HECA: variants seen among roughly 807,000 people sequenced by gnomAD.
HECA encodes headcase protein homolog.
A neutral mutation model predicts 37.6 loss-of-function variants in HECA; 13 were observed. The observed-to-expected ratio is 0.35, with a 90% CI of 0.23 to 0.55. HECA has a LOEUF of 0.55. Among genes scored for constraint, HECA ranks in the 20% least tolerant of loss-of-function variants. The pLI, the probability that HECA is intolerant of heterozygous loss-of-function variation, is 0.90. For synonymous variants in HECA, 307 were observed against 291.5 expected (o/e 1.05, Z -0.54); for missense variants, 527 against 701.9 (o/e 0.75, Z 2.82).
At chr6:139,142,193 T>C (rs1265676184) in intron 1 of HECA, among the ~76,000 whole-genome samples, 1 of 152,050 alleles carries the variant, frequency 6.6e-6, no homozygotes, top group Non-Finnish European at 1.5e-5. Flanking sequence ...CCCAAAGTGC[T>C]GGGATTACAG....
chr6:139,173,983 C>T (rs1477099276), intron 2 of HECA, among the ~76,000 whole-genome samples: 1 of 152,098 alleles, frequency 6.6e-6, no homozygotes, highest in Non-Finnish European at 1.5e-5. Flanking sequence ...GAGCTTGTGA[C>T]AAGATCAGTG....
chr6:139,150,318 G>C (rs1398721815), intron 1 of HECA, among the ~76,000 whole-genome samples: 2 of 151,852 alleles, frequency 1.3e-5, no homozygotes, highest in African/African-American at 4.8e-5. Context: ...TATTTCTTGG[G>C]GTTAGGCTGA....
At position 139,179,028 on chromosome 6, in the gene HECA, G is replaced by A. The variant is rs1474639755; in HGVS notation, c.*1923G>A. The A allele has an allele frequency of 2.6e-5, 4 of 152,158 alleles. No individual in the cohort carries two copies. Among genetic ancestry groups the A allele is most frequent in the African/African-American group, 9.7e-5 (4 of 41,434 alleles). 9.4% of individuals were successfully genotyped at this position (152,158 alleles called of 1,614,324 possible). On this transcript the variant is annotated 3_prime_UTR_variant, in exon 4 of 4. Transcript: ENST00000367658. ...TTTGATCATCTGAAAAAACATTTCA[G>A]TGGGAAGAAATGCATAAAATGCCTA...
At chr6:139,154,921 A>G (rs1284358280) in intron 1 of HECA, among the ~76,000 whole-genome samples, 1 of 125,942 alleles carries the variant, frequency 7.9e-6, no homozygotes. Flanking sequence ...TAATATTGGA[A>G]TACAGTACTA....
intron 1 of HECA, among the ~76,000 whole-genome samples, chr6:139,150,629 TAAC>T (rs1404135683): frequency 6.6e-6 from 1 of 151,836 alleles, no homozygotes; most frequent in Non-Finnish European, 1.5e-5. Context: ...ATAGGTAATA[TAAC>T]AAATTCTATA....
rs928901375 is a variant in HECA, at chr6:139,180,324, G to C, written c.*3219G>C. 6.6e-6 allele frequency: 1 copy of C among 152,588 alleles called. No individual in the cohort carries two copies. The highest frequency in any genetic ancestry group is 2.4e-5 in the African/African-American group (1 of 41,452). 9.5% of individuals were successfully genotyped at this position (152,588 alleles called of 1,614,324 possible). A position where few individuals can be genotyped will look rare whatever the true frequency, so the allele number is the denominator to read the frequency against. On this transcript the variant is annotated 3_prime_UTR_variant, in exon 4 of 4. Coordinates refer to ENST00000367658, the MANE Select transcript of HECA (RefSeq NM_016217.3). ...CTTATTAGAGCACCAGAACTAATTT[G>C]CTAAGTCTTTTGTTTAGTCCTGCAA...
At chr6:139,142,835 C>T (rs1774531926) in intron 1 of HECA, among the ~76,000 whole-genome samples, 1 of 152,184 alleles carries the variant, frequency 6.6e-6, no homozygotes, top group South Asian at 2.1e-4. Context: ...GTAATCTCAG[C>T]TACTCAGGAG....
intron 1 of HECA, among the ~76,000 whole-genome samples, chr6:139,148,226 T>C (rs1774608639): frequency 6.6e-6 from 1 of 152,220 alleles, no homozygotes. Flanking sequence ...TTCAGCCTTA[T>C]TTATGGTTGT....
At chr6:139,169,067 C>T (rs150305329) in intron 2 of HECA, among the ~76,000 whole-genome samples, 1,605 of 152,248 alleles carry the variant, frequency 0.011, 28 homozygotes, top group African/African-American at 0.037. Context: ...CTCTATTTGT[C>T]GTGCTTTCTG....
intron 1 of HECA, among the ~76,000 whole-genome samples, chr6:139,137,798 A>G (rs1774468294): frequency 6.6e-6 from 1 of 151,874 alleles, no homozygotes; most frequent in Non-Finnish European, 1.5e-5. Flanking sequence ...GGCCCCTATT[A>G]TTATTCTCTG....
intron 1 of HECA, chr6:139,153,087 A>G (rs892614254): frequency 6.6e-6 from 1 of 152,214 alleles, no homozygotes; most frequent in South Asian, 2.1e-4. Context: ...GCCTAATTAC[A>G]GGAGCTCCTT....
chr6:139,152,705 T>C (rs944191454), intron 1 of HECA, among the ~76,000 whole-genome samples: 1 of 152,222 alleles, frequency 6.6e-6, no homozygotes, highest in African/African-American at 2.4e-5. Flanking sequence ...TTTTTGTAAG[T>C]ACTAGCCTTC....
chr6:139,136,358 TTAGG>T (rs1158550748), intron 1 of HECA, among the ~76,000 whole-genome samples: 5 of 152,072 alleles, frequency 3.3e-5, no homozygotes, highest in Admixed American at 1.3e-4. Context: ...CCTCATAATC[TTAGG>T]TAGTGCCTGA....
chr6:139,146,222 C>T (rs1383467921), intron 1 of HECA, among the ~76,000 whole-genome samples: 1 of 152,142 alleles, frequency 6.6e-6, no homozygotes, highest in Non-Finnish European at 1.5e-5. Context: ...TGAATTCAGA[C>T]AAAAGTTAGT....
intron 1 of HECA, among the ~76,000 whole-genome samples, chr6:139,160,462 C>G (rs557808670): frequency 6.6e-6 from 1 of 152,262 alleles, no homozygotes; most frequent in South Asian, 2.1e-4. Context: ...AGTTTGGAGA[C>G]AAGGTTTCAC....
In HECA at chr6:139,135,292, C is replaced by A; in HGVS notation, c.-105C>A. 1.0e-6 allele frequency: 1 copy of A among 970,086 alleles called. No individual in the cohort carries two copies. Among genetic ancestry groups the A allele is most frequent in the Non-Finnish European group, 1.3e-6 (1 of 777,194 alleles). 60.1% of individuals were successfully genotyped at this position (970,086 alleles called of 1,614,324 possible). ...GCCGAGGGAACCGCCGGCTCGCGCCCTCCGTTCTTTCCCGGAGCCGGCTTC... is the reference window on the plus strand; with the variant it reads ...GCCGAGGGAACCGCCGGCTCGCGCCATCCGTTCTTTCCCGGAGCCGGCTTC... On this transcript the variant is annotated 5_prime_UTR_variant, in exon 1 of 4. Coordinates refer to ENST00000367658, the MANE Select transcript of HECA (RefSeq NM_016217.3).
At position 139,166,687 on chromosome 6, in the gene HECA, C is replaced by T. The variant is rs202156473; in HGVS notation, c.675C>T (p.Cys225=). The T allele has an allele frequency of 1.9e-6, 3 of 1,613,220 alleles. No homozygotes were observed. The highest frequency in any genetic ancestry group is 4.5e-5 in the East Asian group (2 of 44,854). The change falls in exon 2 of 4, where the codon TGC becomes TGT. Residue 225 remains cysteine (C), a synonymous_variant. Coordinates refer to ENST00000367658, the MANE Select transcript of HECA (RefSeq NM_016217.3). ...PGEAAEEAKK[C]RPPNKPQKGP... ...AGGCGGCGGAGGAGGCAAAAAAGTG[C>T]AGGCCCCCAAATAAGCCCCAGAAAG...
rs200417003 is a variant in HECA at position 139,167,174 on chromosome 6, C to T, written c.1162C>T (p.Leu388Phe). The T allele has an allele frequency of 1.7e-5, 28 of 1,614,206 alleles. No homozygotes were observed. In the Admixed American group the frequency reaches 3.3e-4, roughly 19 times the overall value. ...EDLRKFILAA[L>F]SASHRNVVNC... ...CTTGCGGAAGTTCATTCTGGCCGCGCTCAGTGCCAGCCACAGAAACGTGGT... is the reference window on the plus strand; with the variant it reads ...CTTGCGGAAGTTCATTCTGGCCGCGTTCAGTGCCAGCCACAGAAACGTGGT... The change falls in exon 2 of 4, where the codon CTC becomes TTC. Residue 388 changes from leucine to phenylalanine, a missense_variant. Coordinates refer to ENST00000367658, the MANE Select transcript of HECA (RefSeq NM_016217.3).
At chr6:139,143,666 C>T (rs1008228394) in intron 1 of HECA, among the ~76,000 whole-genome samples, 15 of 151,996 alleles carry the variant, frequency 9.9e-5, no homozygotes, top group Admixed American at 2.0e-4. Context: ...ATCGAGACCA[C>T]CCTGGCCAAC....
Sources: gnomAD v4.1 joint callset for allele counts (sites outside exome capture counted in the v4.1 genomes callset) on GRCh38, gnomAD v4.1.1 for gene constraint, MANE v1.5 for transcripts, NCBI Gene and HGNC (gene_info 2026-07-23, HGNC 2026-07-21) for gene names.